RGS7BP: variants seen among roughly 807,000 people sequenced by gnomAD.
RGS7BP encodes the protein regulator of G protein signaling 7-binding protein.
A neutral mutation model predicts 31.3 loss-of-function variants in RGS7BP; 9 were observed. The observed-to-expected ratio is 0.29, with a 90% CI of 0.17 to 0.50. The LOEUF (loss-of-function observed/expected upper bound fraction) is 0.50. Among genes scored for constraint, RGS7BP ranks in the 20% least tolerant of loss-of-function variants. The probability of loss-of-function intolerance (pLI) is 0.98; values close to 1 mark genes in which losing one functional copy is unlikely to be tolerated. For synonymous variants in RGS7BP, 115 were observed against 120.1 expected (o/e 0.96, Z 0.28); for missense variants, 274 against 322.0 (o/e 0.85, Z 1.14).
intron 2 of RGS7BP, among the ~76,000 whole-genome samples, chr5:64,524,688 T>G (rs1482813003): frequency 6.6e-6 from 1 of 152,170 alleles, no homozygotes; most frequent in Non-Finnish European, 1.5e-5. Context: ...ATTTTTATTA[T>G]TGTATTAGCC....
intron 2 of RGS7BP, among the ~76,000 whole-genome samples, chr5:64,519,141 A>T (rs1298633248): frequency 6.6e-6 from 1 of 152,176 alleles, no homozygotes; most frequent in Non-Finnish European, 1.5e-5. Flanking sequence ...AAGACTGGGG[A>T]GACCGGAAGA....
rs182291448 is a variant in RGS7BP, at chr5:64,570,149, G to A, written c.333-5625G>A. Among the ~76,000 whole-genome samples, 219 of 152,108 alleles carry A rather than the reference G, an allele frequency of 1.4e-3. 1 individual carries two copies. The highest frequency in any genetic ancestry group is 2.4e-3 in the Non-Finnish European group (160 of 68,008). ...ATTAGGGAACTGTAAAGCAAATACA[G>A]ACTTTTATAGAATAGCAGATAATTA... On this transcript the variant is annotated intron_variant, in intron 2 of 5. Transcript: ENST00000334025.
intron 3 of RGS7BP, among the ~76,000 whole-genome samples, chr5:64,576,313 C>G (rs976998935): frequency 3.3e-5 from 5 of 152,226 alleles, no homozygotes; most frequent in Admixed American, 3.3e-4. Flanking sequence ...GAGGGAACTC[C>G]ATAAATAACA....
At position 64,510,286 on chromosome 5, in the gene RGS7BP, A is replaced by G. The variant is rs115452165; in HGVS notation, c.332+2409A>G. Among the ~76,000 whole-genome samples the G allele has an allele frequency of 8.3e-3, 1,265 of 152,360 alleles. 19 individuals are homozygous for G. Among genetic ancestry groups the G allele is most frequent in the African/African-American group, 0.028 (1,148 of 41,586 alleles). ...AAGTCACACAGCTAAGAAGTGACAC[A>G]GCTTTGATTCAGCCCCATGTTTGCA... On this transcript the variant is annotated intron_variant, in intron 2 of 5. Coordinates refer to ENST00000334025, the MANE Select transcript of RGS7BP (RefSeq NM_001029875.3).
At chr5:64,601,462 A>G in intron 5 of RGS7BP, 1 of 981,772 alleles carries the variant, frequency 1.0e-6, no homozygotes. Context: ...AGAAGAAAGG[A>G]AGGTGGCCAA....
chr5:64,590,574 C>A (rs1400853045), intron 3 of RGS7BP, among the ~76,000 whole-genome samples: 4 of 152,014 alleles, frequency 2.6e-5, no homozygotes, highest in African/African-American at 9.7e-5. Context: ...AACCATTAAA[C>A]CCAGACAATA....
chr5:64,559,918 G>A (rs1742013349), intron 2 of RGS7BP, among the ~76,000 whole-genome samples: 1 of 152,064 alleles, frequency 6.6e-6, no homozygotes, highest in African/African-American at 2.4e-5. Flanking sequence ...AAACTAGTTG[G>A]TCAAAATCCT....
chr5:64,536,588 T>C (rs1391597300), intron 2 of RGS7BP, among the ~76,000 whole-genome samples: 3 of 152,214 alleles, frequency 2.0e-5, no homozygotes, highest in South Asian at 2.1e-4. Context: ...TAACATAGAA[T>C]ACCTACATTT....
chr5:64,511,311 T>TG (rs1385445501), intron 2 of RGS7BP, among the ~76,000 whole-genome samples: 3 of 152,316 alleles, frequency 2.0e-5, no homozygotes, highest in Non-Finnish European at 4.4e-5. Flanking sequence ...TTCAAAGGCA[T>TG]CAGATATCTG....
chr5:64,507,680 G>GT (rs759899807), intron 1 of RGS7BP, 31 bp from the exon 2 acceptor site: 13 of 1,467,556 alleles, frequency 8.9e-6, no homozygotes, highest in Middle Eastern at 1.8e-4. Context: ...GAAATGTTTG[G>GT]TAAAAAAAAA....
chr5:64,532,594 C>T (rs1749398710), intron 2 of RGS7BP, among the ~76,000 whole-genome samples: 1 of 152,126 alleles, frequency 6.6e-6, no homozygotes, highest in South Asian at 2.1e-4. Context: ...GAATGATGAT[C>T]TAGTTTTCTA....
Position 64,600,843 on chromosome 5 carries a change from G to C in RGS7BP, c.682+2408G>C, listed in dbSNP as rs563907826. 1.2e-4 allele frequency among the ~76,000 whole-genome samples: 19 copies of C among 152,302 alleles called. No individual in the cohort carries two copies. In the South Asian group the frequency reaches 1.9e-3, roughly 15 times the overall value. On this transcript the variant is annotated intron_variant, in intron 5 of 5. Transcript: ENST00000334025. ...TGCTGAGCTGACCAGTGGGGAAGGG[G>C]ACTGTGTCTGAACTGGAGGATCCAG...
chr5:64,570,161 A>C (rs1432854279), intron 2 of RGS7BP, among the ~76,000 whole-genome samples: 2 of 152,092 alleles, frequency 1.3e-5, no homozygotes, highest in African/African-American at 4.8e-5. Context: ...CTTTTATAGA[A>C]TAGCAGATAA....
chr5:64,512,082 C>T (rs914429093), intron 2 of RGS7BP, among the ~76,000 whole-genome samples: 1 of 152,198 alleles, frequency 6.6e-6, no homozygotes, highest in East Asian at 1.9e-4. Context: ...TCCTCCAGCA[C>T]ACCTTGGGAG....
At chr5:64,595,076 C>T (rs1320858745) in intron 4 of RGS7BP, among the ~76,000 whole-genome samples, 1 of 152,186 alleles carries the variant, frequency 6.6e-6, no homozygotes, top group East Asian at 1.9e-4. Flanking sequence ...TGCAGAGGAA[C>T]ACTAGCAACA....
chr5:64,557,255 G>A (rs1215392409), intron 2 of RGS7BP, among the ~76,000 whole-genome samples: 1 of 152,178 alleles, frequency 6.6e-6, no homozygotes, highest in Non-Finnish European at 1.5e-5. Flanking sequence ...TTCCACTGGA[G>A]AAATGTAGTT....
At chr5:64,566,970 A>G (rs994504043) in intron 2 of RGS7BP, among the ~76,000 whole-genome samples, 13 of 148,396 alleles carry the variant, frequency 8.8e-5, no homozygotes, top group African/African-American at 3.2e-4. Context: ...AAGCAAAGCT[A>G]TCTTCAGTAG....
At chr5:64,577,022 G>A (rs1289200609) in intron 3 of RGS7BP, among the ~76,000 whole-genome samples, 2 of 152,138 alleles carry the variant, frequency 1.3e-5, no homozygotes, top group Non-Finnish European at 1.5e-5. Flanking sequence ...CTGAAGGTAG[G>A]GTTCAGTTAC....
intron 2 of RGS7BP, among the ~76,000 whole-genome samples, chr5:64,553,772 T>A (rs973273234): frequency 2.6e-5 from 4 of 152,146 alleles, no homozygotes; most frequent in Admixed American, 2.0e-4. Flanking sequence ...AGACACTGGT[T>A]AAATAACCCT....
Sources: gnomAD v4.1 joint callset for allele counts (sites outside exome capture counted in the v4.1 genomes callset) on GRCh38, gnomAD v4.1.1 for gene constraint, MANE v1.5 for transcripts, NCBI Gene and HGNC (gene_info 2026-07-23, HGNC 2026-07-21) for gene names.